The following BHLHE40 variants were observed in gnomAD, a reference collection of about 807,000 sequenced individuals.
BHLHE40 encodes the protein basic helix-loop-helix family member e40, also known as class E basic helix-loop-helix protein 40.
In BHLHE40, 3 loss-of-function variants were observed where a neutral mutation model predicts 35.7. The ratio of observed to expected loss-of-function variants is 0.08; its 90% CI spans 0.04 to 0.22. BHLHE40 has a LOEUF of 0.22. Among genes scored for constraint, BHLHE40 ranks in the 10% least tolerant of loss-of-function variants. BHLHE40 has a pLI of 1.00. For synonymous variants in BHLHE40, 236 were observed against 213.0 expected (o/e 1.11, Z -0.94); for missense variants, 486 against 524.0 (o/e 0.93, Z 0.71).
intron 4 of BHLHE40, among the ~76,000 whole-genome samples, chr3:4,982,501 C>T (rs2053206651): frequency 6.6e-6 from 1 of 152,146 alleles, no homozygotes; most frequent in Non-Finnish European, 1.5e-5. Flanking sequence ...TTCTTTGCTG[C>T]CTCGCTTACA....
At position 4,983,960 on chromosome 3, in the gene BHLHE40, G is replaced by C. The variant is rs34883305; in HGVS notation, c.*268G>C. ...GGATTGCTTGACATCAGGAGACTTG[G>C]GGGGGATTGTAGCAGACGTCTGGGC... On this transcript the variant is annotated 3_prime_UTR_variant, in exon 5 of 5. Coordinates refer to ENST00000256495, the MANE Select transcript of BHLHE40 (RefSeq NM_003670.3). This position sits in a 1 kb window ranked among gnomAD's most constrained non-coding sequence, Gnocchi z 5.0. 61,688 of 456,220 alleles carry C rather than the reference G, an allele frequency of 0.14. 4,658 individuals carry two copies. Among genetic ancestry groups the C allele is most frequent in the Admixed American group, 0.21 (5,240 of 25,192 alleles). The allele number at this position is 456,220 out of a possible 1,614,324, so 28.3% of individuals were successfully genotyped here. A position where few individuals can be genotyped will look rare whatever the true frequency, so the allele number is the denominator to read the frequency against.
chr3:4,980,840 C>G (rs1217611406), intron 3 of BHLHE40, among the ~76,000 whole-genome samples: 3 of 151,636 alleles, frequency 2.0e-5, no homozygotes, highest in Admixed American at 2.0e-4. Context: ...GACAGTAGCC[C>G]TCGGCTACTT....
At chr3:4,981,278 C>A in intron 3 of BHLHE40, 114 bp from the exon 4 acceptor site, 1 of 1,343,850 alleles carries the variant, frequency 7.4e-7, no homozygotes, top group Non-Finnish European at 1.0e-6. Flanking sequence ...AAACAGCCAA[C>A]CAGGAAACAC....
At position 4,980,079 on chromosome 3, in the gene BHLHE40, G is replaced by T. The variant is rs907362599; in HGVS notation, c.150+48G>T. On this transcript the variant is annotated intron_variant, in intron 2 of 4. Transcript: ENST00000256495. Reference sequence around the variant, plus strand: ...ACCCTGCGCTCAGCCCCTCGCGCGCGCTGAGTTTCCAAGAAAAGTTTTCTC... The same window carrying T: ...ACCCTGCGCTCAGCCCCTCGCGCGCTCTGAGTTTCCAAGAAAAGTTTTCTC... The T allele has an allele frequency of 3.8e-6, 6 of 1,597,392 alleles. No homozygotes were observed. The African/African-American group carries it at 4.0e-5, about 11-fold the overall frequency.
rs2053223085 is a variant in BHLHE40 at position 4,983,829 on chromosome 3, G to GTGT, written c.*137_*138insTGT. The GTGT allele has an allele frequency of 1.3e-5, 9 of 698,580 alleles. No homozygotes were observed. Among genetic ancestry groups the GTGT allele is most frequent in the East Asian group, 5.5e-5 (2 of 36,324 alleles). 43.3% of individuals were successfully genotyped at this position (698,580 alleles called of 1,614,324 possible). ...TCTGAGGCATGGAGAGCAGATTCAG[G>GTGT]GTGTGTGTGTGTGTGTGTGTGTGTG... is the stretch of plus-strand genomic sequence containing the variant. On this transcript the variant is annotated 3_prime_UTR_variant, in exon 5 of 5. Transcript: ENST00000256495. The surrounding 1 kb of genome is among the most constrained non-coding windows in gnomAD (Gnocchi z 5.0).
Position 4,983,006 on chromosome 3 carries a change from G to A in BHLHE40, c.553G>A (p.Gly185Ser). 1 of 1,613,666 alleles carries A rather than the reference G, an allele frequency of 6.2e-7. No individual in the cohort carries two copies. The highest frequency in any genetic ancestry group is 1.1e-5 in the South Asian group (1 of 91,074). The part of the protein sequence containing the change: ...LHRVVSELLQ[G>S]GTSRKPSDPA... ...CCGGGTGGTCTCGGAGCTGCTGCAGGGTGGTACCTCCAGGAAGCCATCAGA... is the reference window on the plus strand; with the variant it reads ...CCGGGTGGTCTCGGAGCTGCTGCAGAGTGGTACCTCCAGGAAGCCATCAGA... Residue 185 changes from glycine (G) to serine (S), a missense_variant, in exon 5 of 5, where the codon GGT becomes AGT. By Grantham distance (56) the Gly-to-Ser change is moderately conservative. This residue lies in a region of BHLHE40 where 176 missense variants were observed against 180.5 expected (regional missense o/e 0.98). Coordinates refer to ENST00000256495, the MANE Select transcript of BHLHE40 (RefSeq NM_003670.3). The surrounding 1 kb of genome is among the most constrained non-coding windows in gnomAD (Gnocchi z 5.0).
chr3:4,981,620 A>G, intron 4 of BHLHE40, 105 bp downstream of exon 4: 5 of 1,410,998 alleles, frequency 3.5e-6, no homozygotes, highest in Non-Finnish European at 4.8e-6. Context: ...CAAATTGCTT[A>G]TGCACGTTCA....
chr3:4,981,848 G>A (rs995454039), intron 4 of BHLHE40, among the ~76,000 whole-genome samples: 1 of 152,184 alleles, frequency 6.6e-6, no homozygotes, highest in Non-Finnish European at 1.5e-5. Flanking sequence ...GGTCTTCTTA[G>A]CCCTCTTTCA....
At chr3:4,980,471 G>T in intron 3 of BHLHE40, 63 bp downstream of exon 3, 1 of 1,398,634 alleles carries the variant, frequency 7.1e-7, no homozygotes, top group Non-Finnish European at 1.0e-6. Context: ...CGGGTCACTC[G>T]CCGCCTGCAG....
At chr3:4,981,371 C>G (rs1350080449) in intron 3 of BHLHE40, 21 bp from the exon 4 acceptor site, 1 of 1,612,908 alleles carries the variant, frequency 6.2e-7, no homozygotes, top group Non-Finnish European at 8.5e-7. Context: ...TCACCGCTGA[C>G]TAAGGCTCTT....
intron 3 of BHLHE40, among the ~76,000 whole-genome samples, 198 bp from the exon 4 acceptor site, chr3:4,981,193 CA>C (rs2053192705): frequency 3.8e-5 from 1 of 26,554 alleles, no homozygotes; most frequent in Admixed American, 6.6e-4. Flanking sequence ...TATACACACA[CA>C]CACACACACA....
chr3:4,981,201 C>G (rs908440033), intron 3 of BHLHE40, among the ~76,000 whole-genome samples, 191 bp from the exon 4 acceptor site: 1 of 148,204 alleles, frequency 6.7e-6, no homozygotes, highest in Non-Finnish European at 1.5e-5. Flanking sequence ...CACACACACA[C>G]ACACACACAC....
chr3:4,983,618 C>G lies in BHLHE40; in HGVS notation c.1165C>G (p.Pro389Ala). Reference protein sequence around the residue: ...QRLPSPLPAHPSVDSSVLLQA... With the variant: ...QRLPSPLPAHASVDSSVLLQA... ...ACTCCCTTCTCCCTTGCCAGCTCAT[C>G]CGTCCGTCGACTCTTCTGTCTTGCT... The change falls in exon 5 of 5, where the codon CCG becomes GCG. Residue 389 changes from proline to alanine, a missense_variant. Physicochemically the swap from Pro to Ala is conservative, Grantham distance 27 (BLOSUM62 -1). Around this residue, in one of 5 missense-constraint regions of BHLHE40, gnomAD observed 206 missense variants for 208.9 expected, o/e 0.99. Transcript: ENST00000256495. This position sits in a 1 kb window ranked among gnomAD's most constrained non-coding sequence, Gnocchi z 5.0. 1 of 1,614,166 alleles carries G rather than the reference C, an allele frequency of 6.2e-7. No homozygotes were observed. Among genetic ancestry groups the G allele is most frequent in the South Asian group, 1.1e-5 (1 of 91,084 alleles).
chr3:4,980,616 A>T (rs945668321), intron 3 of BHLHE40, among the ~76,000 whole-genome samples: 1 of 152,184 alleles, frequency 6.6e-6, no homozygotes, highest in Non-Finnish European at 1.5e-5. Context: ...GACCTCTCCA[A>T]GTTGGCTCCA....
Position 4,982,985 on chromosome 3 carries a change from G to C in BHLHE40, c.532G>C (p.Val178Leu), listed in dbSNP as rs767384362. 1.1e-5 allele frequency: 17 copies of C among 1,613,240 alleles called. No homozygotes were observed. Among genetic ancestry groups the C allele is most frequent in the Admixed American group, 8.3e-5 (5 of 59,998 alleles). ...SSQLVTHLHR[V>L]VSELLQGGTS... ...GCAGCTTGTCACCCACCTCCACCGG[G>C]TGGTCTCGGAGCTGCTGCAGGGTGG... The change falls in exon 5 of 5, where the codon GTG (valine) becomes CTG (leucine). Residue 178 changes from valine to leucine, a missense_variant. Val to Leu is a conservative substitution (Grantham distance 32). Transcript: ENST00000256495.
rs2053173125 is a variant in BHLHE40, at chr3:4,979,739, G to A, written c.21G>A (p.Ala7=). The change falls in exon 1 of 5, where the codon GCG becomes GCA. Residue 7 remains alanine, a synonymous_variant. Transcript: ENST00000256495. The stretch of plus-strand genomic sequence containing the variant: ...GCGCCATGGAGCGGATCCCCAGCGC[G>A]CAACCACCCCCCGCCTGCCTGCCCA... MERIPS[A]QPPPACLPKA... 6.4e-7 allele frequency: 1 copy of A among 1,570,734 alleles called. No homozygotes were observed. The highest frequency in any genetic ancestry group is 8.6e-7 in the Non-Finnish European group (1 of 1,158,208).
At chr3:4,980,538 G>A (rs886849775) in intron 3 of BHLHE40, 130 bp downstream of exon 3, 5 of 704,932 alleles carry the variant, frequency 7.1e-6, no homozygotes, top group South Asian at 3.4e-5. Flanking sequence ...GTGGCTCTGC[G>A]GTGGGGTCCT....
At chr3:4,979,867 G>C in intron 1 of BHLHE40, 69 bp downstream of exon 1, 1 of 1,605,240 alleles carries the variant, frequency 6.2e-7, no homozygotes, top group Non-Finnish European at 8.5e-7. Context: ...TCTCAACTTG[G>C]AGCAGCTCCG....
rs1482198750 is a variant in BHLHE40 at position 4,979,943 on chromosome 3, C to T, written c.81-19C>T. On this transcript the variant is annotated intron_variant, in intron 1 of 4. Transcript: ENST00000256495. Reference sequence around the variant, plus strand: ...CGTGCGCAAGCAGTCACGACCCTTCCTGGTCTCTCTTCCTGCAGGATGTAC... The same window carrying T: ...CGTGCGCAAGCAGTCACGACCCTTCTTGGTCTCTCTTCCTGCAGGATGTAC... 5 of 1,613,938 alleles carry T rather than the reference C, an allele frequency of 3.1e-6. No individual in the cohort carries two copies. The highest frequency in any genetic ancestry group is 4.2e-6 in the Non-Finnish European group (5 of 1,179,826).
Sources: gnomAD v4.1 joint callset for allele counts (sites outside exome capture counted in the v4.1 genomes callset) on GRCh38, gnomAD v4.1.1 for gene constraint, gnomAD v4.1.1 regional missense constraint, Gnocchi (gnomAD v3.1) non-coding constraint, MANE v1.5 for transcripts, NCBI Gene and HGNC (gene_info 2026-07-23, HGNC 2026-07-21) for gene names.